Variants in NBPF19 observed in about 807,000 individuals in gnomAD.
The protein encoded by NBPF19 is NBPF family member NBPF19.
Under a neutral mutation model 45.9 loss-of-function variants are expected in NBPF19, and 30 were observed. The observed-to-expected ratio is 0.65, with a 90% CI of 0.49 to 0.89. The LOEUF is 0.89. NBPF19 is among the 40% of genes least tolerant of loss of function. The pLI is 0.00. For synonymous variants in NBPF19, 183 were observed against 181.2 expected, an observed-to-expected ratio of 1.01 and a Z score of -0.08; for missense variants, 495 against 471.8, an observed-to-expected ratio of 1.05 and a Z score of -0.46.
Position 149,475,292 on chromosome 1 carries a change from G to A in NBPF19, c.-539G>A, listed in dbSNP as rs1184431472. 6.7e-6 allele frequency among the ~76,000 whole-genome samples: 1 copy of A among 150,192 alleles called. No individual in the cohort carries two copies. The highest frequency in any genetic ancestry group is 2.4e-5 in the African/African-American group (1 of 40,848). Reference sequence around the variant, plus strand: ...TAAAAGTTTGATATCTTACACCTGTGGAAAAGCCTTAAGCTCTGTTTTAAC... The same window carrying A: ...TAAAAGTTTGATATCTTACACCTGTAGAAAAGCCTTAAGCTCTGTTTTAAC... On this transcript the variant is annotated 5_prime_UTR_variant, in exon 1 of 94. Transcript: ENST00000651566.
At chr1:149,554,207 T>C (rs2087142250) in intron 93 of NBPF19, among the ~76,000 whole-genome samples, 1 of 150,916 alleles carries the variant, frequency 6.6e-6, no homozygotes, top group Admixed American at 6.6e-5. Flanking sequence ...GGGCACTAAC[T>C]CAGAGTGTCC....
At chr1:149,538,435 C>G (rs1449107129) in intron 73 of NBPF19, among the ~76,000 whole-genome samples, 124 of 30,954 alleles carry the variant, frequency 4.0e-3, no homozygotes, top group African/African-American at 4.4e-3. Flanking sequence ...CTCTCTCTCT[C>G]TGTGTGTGTG....
Position 149,555,065 on chromosome 1 carries a change from T to C in NBPF19, c.*327T>C. The C allele has an allele frequency of 5.0e-6, 2 of 403,558 alleles. No individual in the cohort carries two copies. The highest frequency in any genetic ancestry group is 9.2e-6 in the Non-Finnish European group (2 of 218,172). 25.0% of individuals were successfully genotyped at this position (403,558 alleles called of 1,614,324 possible). A position where few individuals can be genotyped will look rare whatever the true frequency, so the allele number is the denominator to read the frequency against. On this transcript the variant is annotated 3_prime_UTR_variant, in exon 94 of 94. Coordinates refer to ENST00000651566, the MANE Select transcript of NBPF19 (RefSeq NM_001351365.2). ...TTGCAGGCATGTCTCTGAGCTTCTA[T>C]ACCTGCTCAAGGTCAGTGTCATCTT...
rs1158591780 is a variant in NBPF19, at chr1:149,487,596, C to G, written c.1040+213C>G. ...ATTTACTAACCTAGTGAAAGTTGAC[C>G]ATACCTCAAAAGCTGTATTCTCATG... On this transcript the variant is annotated intron_variant, in intron 9 of 93. Transcript: ENST00000651566. 3.3e-5 allele frequency among the ~76,000 whole-genome samples: 5 copies of G among 150,606 alleles called. 1 individual carries two copies. The highest frequency in any genetic ancestry group is 7.4e-5 in the Non-Finnish European group (5 of 67,442).
At position 149,554,513 on chromosome 1, in the gene NBPF19, G is replaced by A. The variant is rs2087195141; in HGVS notation, c.11307G>A (p.Met3769Ile). Residue 3769 changes from methionine (M) to isoleucine (I), a missense_variant, in exon 94 of 94, where the codon ATG becomes ATA. This residue lies in a region of NBPF19 where 248 missense variants were observed against 95.4 expected (regional missense o/e 2.60). Transcript: ENST00000651566. ...TTTCCAGGCTCAACAGCGTGCTGATGGAAGTGGAAGAGCCTGAAGTCTTAC... is the reference window on the plus strand; with the variant it reads ...TTTCCAGGCTCAACAGCGTGCTGATAGAAGTGGAAGAGCCTGAAGTCTTAC... ...PPCPRLNSVL[M>I]EVEEPEVLQD... The A allele has an allele frequency of 2.5e-6, 4 of 1,608,070 alleles. No homozygotes were observed. Among genetic ancestry groups the A allele is most frequent in the South Asian group, 1.1e-5 (1 of 90,884 alleles).
chr1:149,554,440 C>A, intron 93 of NBPF19, 55 bp from the exon 94 acceptor site: 1 of 1,607,834 alleles, frequency 6.2e-7, no homozygotes, highest in South Asian at 1.1e-5. Context: ...TCTAGTGGGG[C>A]TCTGTGGTGT....
rs1414095595 is a variant in NBPF19 at position 149,487,902 on chromosome 1, T to A, written c.1041-111T>A. 3.4e-4 allele frequency: 250 copies of A among 745,558 alleles called. 9 individuals are homozygous for A. The highest frequency in any genetic ancestry group is 3.3e-3 in the South Asian group (233 of 69,576). 46.2% of individuals were successfully genotyped at this position (745,558 alleles called of 1,614,324 possible). On this transcript the variant is annotated intron_variant, in intron 9 of 93. Coordinates refer to ENST00000651566, the MANE Select transcript of NBPF19 (RefSeq NM_001351365.2). ...AATAATTTGTTACCTCACTAATGGATCTCTCCTTTTTCTTTTCAAACTCTT... is the reference window on the plus strand; with the variant it reads ...AATAATTTGTTACCTCACTAATGGAACTCTCCTTTTTCTTTTCAAACTCTT...
chr1:149,509,974 G>GTGTGTT (rs2086196947), intron 37 of NBPF19, among the ~76,000 whole-genome samples: 3 of 54,880 alleles, frequency 5.5e-5, no homozygotes, highest in African/African-American at 2.0e-4. Context: ...GTGTGTGTGT[G>GTGTGTT]TGTGTGTCCA....
In NBPF19 at chr1:149,487,462, G is replaced by A. The variant is rs1441412393; in HGVS notation, c.1040+79G>A. On this transcript the variant is annotated intron_variant, in intron 9 of 93. Transcript: ENST00000651566. ...AAGTCCAGGGAAAACAGTACATGCT[G>A]AAAATAATGATTTTGTCTTGTCAGA... 7.3e-6 allele frequency: 7 copies of A among 961,000 alleles called. No individual in the cohort carries two copies. In the East Asian group the frequency reaches 9.5e-5, roughly 13 times the overall value. The allele number at this position is 961,000 out of a possible 1,614,324, so 59.5% of individuals were successfully genotyped here. A position where few individuals can be genotyped will look rare whatever the true frequency, so the allele number is the denominator to read the frequency against.
At chr1:149,488,271 C>T (rs1157336837) in intron 10 of NBPF19, 86 bp downstream of exon 10, 1 of 567,772 alleles carries the variant, frequency 1.8e-6, no homozygotes, top group Non-Finnish European at 3.1e-6. Flanking sequence ...CCTTACTGAG[C>T]TGAGAGATGT....
chr1:149,478,934 G>A lies in NBPF19; in HGVS notation c.333G>A (p.Glu111=). The A allele has an allele frequency of 6.2e-7, 1 of 1,606,088 alleles. No individual in the cohort carries two copies. The change falls in exon 4 of 94, where the codon GAG becomes GAA. Residue 111 remains glutamate (E), a synonymous_variant. Transcript: ENST00000651566. ...SQERELTQLR[E]KLREGRDASR... is the part of the protein sequence containing the mutation. ...AACGAGAGCTGACCCAGTTAAGGGAGAAGTTACGGGAAGGGAGAGATGCCT... is the reference window on the plus strand; with the variant it reads ...AACGAGAGCTGACCCAGTTAAGGGAAAAGTTACGGGAAGGGAGAGATGCCT...
Position 149,554,591 on chromosome 1 carries a change from T to C in NBPF19, c.11385T>C (p.Pro3795=). 1.9e-6 allele frequency: 3 copies of C among 1,608,356 alleles called. 1 individual carries two copies. The highest frequency in any genetic ancestry group is 2.5e-6 in the Non-Finnish European group (3 of 1,176,794). Residue 3795 remains proline, a synonymous_variant, in exon 94 of 94, where the codon CCT becomes CCC. Transcript: ENST00000651566. ...YSTPSMYFEL[P]DSFQHYRSVF... is the part of the protein sequence containing the mutation. ...CTCCGTCAATGTACTTTGAACTACC[T>C]GACTCATTCCAGCACTACAGAAGTG...
intron 3 of NBPF19, 95 bp from the exon 4 acceptor site, chr1:149,478,785 C>T: frequency 1.5e-6 from 2 of 1,303,438 alleles, no homozygotes; most frequent in Middle Eastern, 2.6e-4. Flanking sequence ...TTGGAGGTCT[C>T]CTTGAGGACA....
chr1:149,480,952 C>T, intron 6 of NBPF19, 68 bp downstream of exon 6: 5 of 1,041,780 alleles, frequency 4.8e-6, no homozygotes, highest in Non-Finnish European at 7.4e-6. Context: ...TGAAGACAGG[C>T]TCTATAAACA....
Position 149,488,147 on chromosome 1 carries a change from T to C in NBPF19, c.1175T>C (p.Leu392Ser), listed in dbSNP as rs1166777148. ...CCCTACAGAAGTGCCTTTTACGTAT[T>C]GGAGCAACAGCGTGTTGGCTTGGCT... ...CQPYRSAFYV[L>S]EQQRVGLAID... The change falls in exon 10 of 94, where the codon TTG (leucine) becomes TCG (serine). Residue 392 changes from leucine to serine, a missense_variant. Physicochemically the swap from Leu to Ser is moderately radical, Grantham distance 145 (BLOSUM62 -2). Around this residue, in one of 8 missense-constraint regions of NBPF19, gnomAD observed 146 missense variants for 67.3 expected, o/e 2.17. Transcript: ENST00000651566. 1.5e-6 allele frequency: 1 copy of C among 681,746 alleles called. No individual in the cohort carries two copies. The highest frequency in any genetic ancestry group is 1.6e-5 in the South Asian group (1 of 61,654). 42.2% of individuals were successfully genotyped at this position (681,746 alleles called of 1,614,324 possible).
intron 93 of NBPF19, 149 bp downstream of exon 93, chr1:149,554,031 G>T (rs1194455785): frequency 6.3e-6 from 2 of 318,568 alleles, no homozygotes; most frequent in African/African-American, 5.8e-5. Context: ...TGCAGTAGAT[G>T]TTTAGGTTTC....
intron 9 of NBPF19, 77 bp from the exon 10 acceptor site, chr1:149,487,936 T>C (rs1432455998): frequency 2.8e-6 from 2 of 724,666 alleles, no homozygotes; most frequent in Non-Finnish European, 5.1e-6. Context: ...TTCCTTATGT[T>C]AGCCATGAAA....
At chr1:149,478,382 G>A (rs2084973648) in intron 3 of NBPF19, among the ~76,000 whole-genome samples, 1 of 151,194 alleles carries the variant, frequency 6.6e-6, no homozygotes, top group Non-Finnish European at 1.5e-5. Flanking sequence ...TACCCTTAGT[G>A]AGAATCACCT....
intron 93 of NBPF19, 60 bp from the exon 94 acceptor site, chr1:149,554,435 T>C: frequency 6.2e-7 from 1 of 1,607,988 alleles, no homozygotes. Flanking sequence ...TGAAATCTAG[T>C]GGGGCTCTGT....
Sources: gnomAD v4.1 joint callset for allele counts (sites outside exome capture counted in the v4.1 genomes callset) on GRCh38, gnomAD v4.1.1 for gene constraint, gnomAD v4.1.1 regional missense constraint, MANE v1.5 for transcripts, NCBI Gene and HGNC (gene_info 2026-07-23, HGNC 2026-07-21) for gene names.